Variants in RPS6KA5 observed in about 807,000 individuals in gnomAD.
RPS6KA5 encodes the protein ribosomal protein S6 kinase A5.
Under a neutral mutation model 85.5 loss-of-function variants are expected in RPS6KA5, and 27 were observed. The ratio of observed to expected loss-of-function variants is 0.32; its 90% CI spans 0.23 to 0.44. The LOEUF is 0.44. RPS6KA5 is among the 20% of genes least tolerant of loss of function. The probability of loss-of-function intolerance (pLI) is 1.00; values close to 1 mark genes in which losing one functional copy is unlikely to be tolerated. For synonymous variants in RPS6KA5, 334 were observed against 348.2 expected, an observed-to-expected ratio of 0.96 and a Z score of 0.46; for missense variants, 811 against 980.9, an observed-to-expected ratio of 0.83 and a Z score of 2.31.
chr14:91,054,264 T>C (rs892316460), intron 1 of RPS6KA5, among the ~76,000 whole-genome samples: 3 of 151,996 alleles, frequency 2.0e-5, no homozygotes, highest in Non-Finnish European at 2.9e-5. Flanking sequence ...ACATCAATCT[T>C]CATAATCTTG....
chr14:91,027,266 CTTGAG>C (rs1470137991), intron 1 of RPS6KA5, among the ~76,000 whole-genome samples: 1 of 152,152 alleles, frequency 6.6e-6, no homozygotes, highest in Non-Finnish European at 1.5e-5. Context: ...TTTAATCCAT[CTTGAG>C]TTAACTTTTA....
chr14:90,886,387 G>C (rs1203206098), intron 14 of RPS6KA5, among the ~76,000 whole-genome samples: 1 of 152,182 alleles, frequency 6.6e-6, no homozygotes, highest in African/African-American at 2.4e-5. Flanking sequence ...GTGTACCGTG[G>C]ACTGAATGTT....
chr14:91,026,945 T>C (rs2042011402), intron 1 of RPS6KA5, among the ~76,000 whole-genome samples: 1 of 152,214 alleles, frequency 6.6e-6, no homozygotes, highest in Non-Finnish European at 1.5e-5. Context: ...TCTGTTCATG[T>C]GTTTTCCGCA....
intron 12 of RPS6KA5, among the ~76,000 whole-genome samples, chr14:90,898,820 G>A (rs2034992345): frequency 6.6e-6 from 1 of 152,226 alleles, no homozygotes; most frequent in Non-Finnish European, 1.5e-5. Flanking sequence ...TCTGGCCAGG[G>A]TTCTGAGCAG....
At chr14:90,954,442 C>T (rs1030883056) in intron 3 of RPS6KA5, among the ~76,000 whole-genome samples, 1 of 152,162 alleles carries the variant, frequency 6.6e-6, no homozygotes, top group African/African-American at 2.4e-5. Context: ...GAGAGAAAGT[C>T]TCCCTCTGTC....
chr14:90,856,044 T>C lies in RPS6KA5; in HGVS notation c.*16030A>G, dbSNP rs561908503. The C allele has an allele frequency of 6.6e-6, 1 of 152,316 alleles. No individual in the cohort carries two copies. The highest frequency in any genetic ancestry group is 2.4e-5 in the African/African-American group (1 of 41,566). The allele number at this position is 152,316 out of a possible 1,614,324, so 9.4% of individuals were successfully genotyped here. A position where few individuals can be genotyped will look rare whatever the true frequency, so the allele number is the denominator to read the frequency against. On this transcript the variant is annotated 3_prime_UTR_variant, in exon 17 of 17. Coordinates refer to ENST00000614987, the MANE Select transcript of RPS6KA5 (RefSeq NM_004755.4). Reference sequence around the variant, plus strand: ...AACTTTAGGGCAAAGATACAAGTAATGATAAGCTGGATATGATCACCATGG... The same window carrying C: ...AACTTTAGGGCAAAGATACAAGTAACGATAAGCTGGATATGATCACCATGG...
chr14:90,946,303 A>AC (rs35509864), intron 4 of RPS6KA5, among the ~76,000 whole-genome samples: 2 of 151,040 alleles, frequency 1.3e-5, no homozygotes, highest in East Asian at 2.0e-4. Context: ...CTGCCCCTCA[A>AC]CCCCCCCATT....
At chr14:90,912,409 T>C (rs1363379202) in intron 7 of RPS6KA5, among the ~76,000 whole-genome samples, 2 of 152,042 alleles carry the variant, frequency 1.3e-5, no homozygotes, top group African/African-American at 4.8e-5. Flanking sequence ...CAGCATGGAG[T>C]AACTTTCCAG....
At chr14:90,948,385 C>T (rs1038299182) in intron 3 of RPS6KA5, among the ~76,000 whole-genome samples, 5 of 152,148 alleles carry the variant, frequency 3.3e-5, no homozygotes, top group Non-Finnish European at 1.5e-5. Context: ...TGCAAAAAAG[C>T]TTTAAATTGT....
At chr14:90,995,767 T>C (rs986864499) in intron 2 of RPS6KA5, among the ~76,000 whole-genome samples, 1 of 152,100 alleles carries the variant, frequency 6.6e-6, no homozygotes, top group Non-Finnish European at 1.5e-5. Context: ...AAATTCCTTA[T>C]CTAGCACTTT....
Position 90,873,314 on chromosome 14 carries a change from C to A in RPS6KA5, c.2160+318G>T, listed in dbSNP as rs377258364. Among the ~76,000 whole-genome samples the A allele has an allele frequency of 3.9e-5, 6 of 152,070 alleles. No individual in the cohort carries two copies. In the East Asian group the frequency reaches 5.8e-4, roughly 15 times the overall value. On this transcript the variant is annotated intron_variant, in intron 16 of 16. Transcript: ENST00000614987. ...ATGGACTTTCAAATATGCCTTAGTT[C>A]CTAATGTTTATTATGGTTTTTAAAG...
chr14:91,037,896 A>G (rs2042464546), intron 1 of RPS6KA5, among the ~76,000 whole-genome samples: 4 of 152,230 alleles, frequency 2.6e-5, no homozygotes, highest in Admixed American at 2.6e-4. Flanking sequence ...CTACTGGTAC[A>G]TATTAGCCAG....
intron 3 of RPS6KA5, among the ~76,000 whole-genome samples, chr14:90,953,717 T>C (rs796193263): frequency 6.6e-5 from 10 of 152,268 alleles, no homozygotes; most frequent in African/African-American, 2.4e-4. Context: ...GTGTCTGTCT[T>C]ATGCAGTTGA....
intron 2 of RPS6KA5, among the ~76,000 whole-genome samples, chr14:90,997,408 T>C (rs1284555401): frequency 1.3e-5 from 2 of 152,216 alleles, no homozygotes; most frequent in East Asian, 3.8e-4. Flanking sequence ...AGAGAGACGG[T>C]CTTGCTCTGT....
chr14:90,957,923 C>T (rs2038608258), intron 3 of RPS6KA5, among the ~76,000 whole-genome samples: 1 of 151,660 alleles, frequency 6.6e-6, no homozygotes, highest in Non-Finnish European at 1.5e-5. Flanking sequence ...AGAAGGATAG[C>T]TTGAGGCCAG....
intron 1 of RPS6KA5, among the ~76,000 whole-genome samples, chr14:91,058,931 G>C (rs2043459462): frequency 6.6e-6 from 1 of 152,208 alleles, no homozygotes; most frequent in Non-Finnish European, 1.5e-5. Flanking sequence ...AAAACTGAAA[G>C]AACTGACGGA....
rs1413377521 is a variant in RPS6KA5 at position 90,853,462 on chromosome 14, G to T, written c.*18612C>A. 3.3e-5 allele frequency: 5 copies of T among 151,250 alleles called. No homozygotes were observed. The highest frequency in any genetic ancestry group is 1.2e-4 in the African/African-American group (5 of 41,000). The allele number at this position is 151,250 out of a possible 1,614,324, so 9.4% of individuals were successfully genotyped here. Reference sequence around the variant, plus strand: ...TAAAAGTCAACCAAATAAATAAGATGCATCCCTTAAGTAACAACAATAAAA... The same window carrying T: ...TAAAAGTCAACCAAATAAATAAGATTCATCCCTTAAGTAACAACAATAAAA... On this transcript the variant is annotated 3_prime_UTR_variant, in exon 17 of 17. Coordinates refer to ENST00000614987, the MANE Select transcript of RPS6KA5 (RefSeq NM_004755.4).
At chr14:90,909,246 T>C (rs1173125868) in intron 7 of RPS6KA5, among the ~76,000 whole-genome samples, 1 of 152,186 alleles carries the variant, frequency 6.6e-6, no homozygotes, top group Non-Finnish European at 1.5e-5. Context: ...ATTTCTTGGG[T>C]GTTGCTGTCA....
At chr14:90,988,679 G>A (rs752617080) in intron 2 of RPS6KA5, among the ~76,000 whole-genome samples, 27 of 152,132 alleles carry the variant, frequency 1.8e-4, no homozygotes, top group Non-Finnish European at 3.5e-4. Context: ...CAGGCATGGT[G>A]GCGGGCGTCT....
Sources: gnomAD v4.1 joint callset for allele counts (sites outside exome capture counted in the v4.1 genomes callset) on GRCh38, gnomAD v4.1.1 for gene constraint, MANE v1.5 for transcripts, NCBI Gene and HGNC (gene_info 2026-07-23, HGNC 2026-07-21) for gene names.